Variants in GLG1 observed in about 807,000 individuals in gnomAD.
GLG1 encodes golgi glycoprotein 1.
Under a neutral mutation model 160.5 loss-of-function variants are expected in GLG1, and 38 were observed. That is an observed-to-expected ratio of 0.24 (90% CI 0.18 to 0.31). The LOEUF (loss-of-function observed/expected upper bound fraction) is 0.31, where lower values mean the gene tolerates loss of function less well. GLG1 is among the 10% of genes least tolerant of loss of function. The pLI is 1.00. For synonymous variants in GLG1, 644 were observed against 543.4 expected, an observed-to-expected ratio of 1.19 and a Z score of -2.57; for missense variants, 1,373 against 1,505.2, an observed-to-expected ratio of 0.91 and a Z score of 1.45.
chr16:74,575,873 A>G (rs1179525358), intron 1 of GLG1, among the ~76,000 whole-genome samples: 1 of 152,192 alleles, frequency 6.6e-6, no homozygotes, highest in Non-Finnish European at 1.5e-5. Flanking sequence ...GCATACAAGC[A>G]CAGTGTGCTC....
intron 2 of GLG1, 87 bp from the exon 3 acceptor site, chr16:74,509,012 A>C: frequency 1.5e-6 from 1 of 662,178 alleles, no homozygotes; most frequent in Middle Eastern, 3.7e-4. Flanking sequence ...GACAAAAGCC[A>C]ATTATACAGA....
At chr16:74,555,862 C>T (rs1189757520) in intron 1 of GLG1, among the ~76,000 whole-genome samples, 1 of 142,960 alleles carries the variant, frequency 7.0e-6, no homozygotes, top group African/African-American at 2.6e-5. Flanking sequence ...GAGACAGGGT[C>T]TTGGTCTCGC....
chr16:74,557,851 C>T (rs1567522468), intron 1 of GLG1, among the ~76,000 whole-genome samples: 1 of 151,726 alleles, frequency 6.6e-6, no homozygotes, highest in Non-Finnish European at 1.5e-5. Context: ...TCCCAAAGTG[C>T]TGGGATTACA....
intron 8 of GLG1, among the ~76,000 whole-genome samples, chr16:74,490,459 A>C (rs908900075): frequency 4.6e-5 from 7 of 152,262 alleles, no homozygotes; most frequent in Admixed American, 2.6e-4. Flanking sequence ...TAGTTGCCCT[A>C]GTATATGAAG....
At chr16:74,498,617 C>T (rs889552746) in intron 4 of GLG1, among the ~76,000 whole-genome samples, 2 of 149,240 alleles carry the variant, frequency 1.3e-5, no homozygotes, top group African/African-American at 2.5e-5. Flanking sequence ...GTAATCCCAG[C>T]ACTTTGGGAG....
chr16:74,552,555 G>A (rs749461635), intron 1 of GLG1: 208 of 302,482 alleles, frequency 6.9e-4, no homozygotes, highest in Non-Finnish European at 9.8e-4. Flanking sequence ...TCCAGAGACT[G>A]GCAGGCTTTG....
rs769854456 is a variant in GLG1, at chr16:74,564,646, ACACT to A, written c.439-32497_439-32494del. ...AGCACTAAAGCCCTAAGTTTCAGTA[ACACT>A]CACACCCAAGTGAGAACCTGACCAA... On this transcript the variant is annotated intron_variant, in intron 1 of 25. Coordinates refer to ENST00000422840, the MANE Select transcript of GLG1 (RefSeq NM_001145667.2). Among the ~76,000 whole-genome samples the A allele has an allele frequency of 1.2e-3, 181 of 152,302 alleles. 2 individuals carry two copies. Among genetic ancestry groups the A allele is most frequent in the Non-Finnish European group, 4.3e-4 (29 of 68,030 alleles).
Position 74,448,113 on chromosome 16 carries a change from CCTCA to C in GLG1, c.*5050_*5053del, listed in dbSNP as rs1479060810. On this transcript the variant is annotated 3_prime_UTR_variant, in exon 26 of 26. Transcript: ENST00000422840. ...AATCAGTCCCTGGTCCCCACAATGACCTCACCAGATGGCTTTGGGGAGCTCTTCA... is the reference window on the plus strand; with the variant it reads ...AATCAGTCCCTGGTCCCCACAATGACCCAGATGGCTTTGGGGAGCTCTTCA... 6.6e-6 allele frequency: 1 copy of C among 152,260 alleles called. No homozygotes were observed. Among genetic ancestry groups the C allele is most frequent in the African/African-American group, 2.4e-5 (1 of 41,458 alleles). 9.4% of individuals were successfully genotyped at this position (152,260 alleles called of 1,614,324 possible).
chr16:74,509,463 C>T (rs1315526947), intron 2 of GLG1, among the ~76,000 whole-genome samples: 1 of 152,016 alleles, frequency 6.6e-6, no homozygotes, highest in Admixed American at 6.6e-5. Flanking sequence ...TCTCAGATCT[C>T]ACAATCAACA....
At chr16:74,539,586 AC>A (rs1333228012) in intron 1 of GLG1, among the ~76,000 whole-genome samples, 1 of 151,236 alleles carries the variant, frequency 6.6e-6, no homozygotes, top group Non-Finnish European at 1.5e-5. Context: ...TACTGACAGG[AC>A]TTTTAGCTTT....
At chr16:74,454,437 G>C (rs1453707609) in intron 25 of GLG1, among the ~76,000 whole-genome samples, 1 of 151,216 alleles carries the variant, frequency 6.6e-6, no homozygotes, top group Admixed American at 6.6e-5. Context: ...GGGAGGCTGA[G>C]ATGGTGGACC....
intron 1 of GLG1, among the ~76,000 whole-genome samples, chr16:74,602,718 G>T (rs1224088963): frequency 2.6e-5 from 4 of 152,078 alleles, no homozygotes; most frequent in Non-Finnish European, 1.5e-5. Context: ...GGGAGGCTGA[G>T]GTTGCAGTGA....
rs532690927 is a variant in GLG1, at chr16:74,577,435, T to A, written c.438+29222A>T. 6.7e-5 allele frequency among the ~76,000 whole-genome samples: 10 copies of A among 148,996 alleles called. 1 individual carries two copies. The South Asian group carries it at 2.1e-3, about 32-fold the overall frequency. ...TACTCGGGAGGCTGAGACAGGAGAA[T>A]CGCTTGAACTCAGGAGGCAGAAAGT... On this transcript the variant is annotated intron_variant, in intron 1 of 25. Coordinates refer to ENST00000422840, the MANE Select transcript of GLG1 (RefSeq NM_001145667.2).
At chr16:74,556,014 T>A (rs1239546307) in intron 1 of GLG1, among the ~76,000 whole-genome samples, 1 of 152,018 alleles carries the variant, frequency 6.6e-6, no homozygotes, top group Admixed American at 6.6e-5. Context: ...CAATTTTTAA[T>A]TTTTTTGTAG....
chr16:74,470,179 C>T, intron 15 of GLG1, 106 bp from the exon 16 acceptor site: 2 of 742,564 alleles, frequency 2.7e-6, no homozygotes, highest in South Asian at 1.4e-5. Context: ...TTACAAGACC[C>T]TGCATGGCTT....
At chr16:74,458,856 G>T (rs1283336017) in intron 23 of GLG1, among the ~76,000 whole-genome samples, 1 of 152,170 alleles carries the variant, frequency 6.6e-6, no homozygotes, top group Non-Finnish European at 1.5e-5. Context: ...CAACATGATG[G>T]AACTGAAATC....
chr16:74,473,675 T>G (rs554746757), intron 13 of GLG1, among the ~76,000 whole-genome samples: 2 of 151,832 alleles, frequency 1.3e-5, no homozygotes, highest in Admixed American at 6.6e-5. Context: ...CTCCTGACCT[T>G]GTGATCCGCC....
At chr16:74,577,417 G>A (rs887876371) in intron 1 of GLG1, among the ~76,000 whole-genome samples, 2 of 151,264 alleles carry the variant, frequency 1.3e-5, no homozygotes, top group African/African-American at 2.4e-5. Flanking sequence ...AGCTACTCGG[G>A]AGGCTGAGAC....
chr16:74,483,066 G>C lies in GLG1; in HGVS notation c.1630C>G (p.His544Asp), dbSNP rs775658494. Residue 544 changes from histidine (H) to aspartate (D), a missense_variant, in exon 10 of 26, where the codon CAC becomes GAC. Coordinates refer to ENST00000422840, the MANE Select transcript of GLG1 (RefSeq NM_001145667.2). ...YTEKMVEDCE[H>D]RLLELQYFIS... ...AAATACTGCAGCTCTAAGAGACGGT[G>C]TTCACAGTCTTCTACCATCTTCTCT... The C allele has an allele frequency of 6.2e-7, 1 of 1,610,684 alleles. No individual in the cohort carries two copies. The highest frequency in any genetic ancestry group is 1.7e-5 in the Admixed American group (1 of 60,002).
Sources: allele counts gnomAD v4.1 joint callset (sites outside exome capture counted in the v4.1 genomes callset), GRCh38; gene constraint gnomAD v4.1.1; transcripts MANE v1.5; gene names NCBI Gene and HGNC (gene_info 2026-07-23, HGNC 2026-07-21).